Variants in CCSER1 observed in about 807,000 individuals in gnomAD.
CCSER1 encodes serine-rich coiled-coil domain-containing protein 1.
A neutral mutation model predicts 82.0 loss-of-function variants in CCSER1; 41 were observed. The ratio of observed to expected loss-of-function variants is 0.50; its 90% CI spans 0.39 to 0.65. The LOEUF is 0.65. CCSER1 is among the 30% of genes least tolerant of loss of function. The pLI is 0.00. For missense variants in CCSER1, 1,119 were observed against 1,064.2 expected (o/e 1.05, Z -0.72); for synonymous variants, 414 against 383.9 (o/e 1.08, Z -0.92).
chr4:91,548,827 T>C (rs1762017398), intron 10 of CCSER1, among the ~76,000 whole-genome samples: 1 of 152,120 alleles, frequency 6.6e-6, no homozygotes. Flanking sequence ...AAATATGTTA[T>C]GCCTAAGCGT....
chr4:90,199,298 AT>A (rs1314154290), intron 1 of CCSER1, among the ~76,000 whole-genome samples: 1 of 152,216 alleles, frequency 6.6e-6, no homozygotes, highest in Non-Finnish European at 1.5e-5. Flanking sequence ...GAATAGCAGA[AT>A]TGATCTACAG....
chr4:90,331,231 A>C (rs1739224274), intron 3 of CCSER1, among the ~76,000 whole-genome samples: 1 of 151,998 alleles, frequency 6.6e-6, no homozygotes, highest in Admixed American at 6.6e-5. Context: ...AGTGCATAAT[A>C]AAGTAACAGT....
intron 1 of CCSER1, among the ~76,000 whole-genome samples, chr4:90,211,546 C>G (rs1740001232): frequency 6.6e-6 from 1 of 152,154 alleles, no homozygotes; most frequent in Non-Finnish European, 1.5e-5. Flanking sequence ...AGACCAGACT[C>G]AAGAAGAGAA....
rs201909933 is a variant in CCSER1 at position 90,766,467 on chromosome 4, AAT to A, written c.2010+42480_2010+42481del. On this transcript the variant is annotated intron_variant, in intron 7 of 10. Transcript: ENST00000509176. The stretch of plus-strand genomic sequence containing the variant: ...TTTAATATATTATTTATATTTAGTG[AAT>A]ATACAAAGAATATGTCACAAATCAT... Among the ~76,000 whole-genome samples, 90 of 152,182 alleles carry A rather than the reference AAT, an allele frequency of 5.9e-4. 1 individual carries two copies. The East Asian group carries it at 0.016, about 28-fold the overall frequency.
At chr4:90,687,201 G>T (rs1436741105) in intron 6 of CCSER1, among the ~76,000 whole-genome samples, 1 of 152,080 alleles carries the variant, frequency 6.6e-6, no homozygotes, top group Non-Finnish European at 1.5e-5. Flanking sequence ...AGTCACTTAT[G>T]TAAAATTCTT....
At chr4:91,083,952 C>T (rs1265349683) in intron 9 of CCSER1, among the ~76,000 whole-genome samples, 2 of 152,076 alleles carry the variant, frequency 1.3e-5, no homozygotes, top group Non-Finnish European at 2.9e-5. Context: ...AGATGTAAGG[C>T]CAATGTTTTC....
chr4:90,326,070 T>TC (rs1738128949), intron 3 of CCSER1, among the ~76,000 whole-genome samples: 1 of 148,170 alleles, frequency 6.7e-6, no homozygotes, highest in Non-Finnish European at 1.5e-5. Flanking sequence ...TTTTTTTTTT[T>TC]TTTTTTGAGA....
chr4:90,339,704 C>T (rs1741047634), intron 3 of CCSER1, among the ~76,000 whole-genome samples: 1 of 152,038 alleles, frequency 6.6e-6, no homozygotes, highest in Admixed American at 6.6e-5. Flanking sequence ...CAAGTGTCAC[C>T]TTATCATTAT....
rs550098422 is a variant in CCSER1 at position 90,834,304 on chromosome 4, T to C, written c.2094+18459T>C. ...TGCTAAAAAAACTTTTTAAAAGTTA[T>C]TAGGATTCCACACATCATTCTCAAA... is the stretch of plus-strand genomic sequence containing the variant. On this transcript the variant is annotated intron_variant, in intron 8 of 10. Transcript: ENST00000509176. Among the ~76,000 whole-genome samples, 6 of 152,300 alleles carry C rather than the reference T, an allele frequency of 3.9e-5. No homozygotes were observed. In the South Asian group the frequency reaches 8.3e-4, roughly 21 times the overall value.
intron 5 of CCSER1, among the ~76,000 whole-genome samples, chr4:90,578,742 C>G (rs533210133): frequency 5.1e-4 from 78 of 152,116 alleles, no homozygotes; most frequent in Non-Finnish European, 9.1e-4. Context: ...TTTGGGGGGG[C>G]CATTGTTCTG....
chr4:91,083,210 A>G (rs1190509619), intron 9 of CCSER1, among the ~76,000 whole-genome samples: 2 of 152,194 alleles, frequency 1.3e-5, no homozygotes, highest in African/African-American at 2.4e-5. Context: ...GCACATATAT[A>G]CCATGGAATA....
chr4:90,592,197 A>G (rs533935733), intron 5 of CCSER1, among the ~76,000 whole-genome samples: 39 of 152,286 alleles, frequency 2.6e-4, no homozygotes, highest in Admixed American at 2.3e-3. Context: ...ATTTAAAGTA[A>G]GATAAAACTA....
intron 1 of CCSER1, among the ~76,000 whole-genome samples, chr4:90,267,574 C>T: frequency 6.6e-6 from 1 of 152,132 alleles, no homozygotes; most frequent in Admixed American, 6.5e-5. Context: ...CCAGCATAGT[C>T]CCAGTGGGGG....
At chr4:90,939,794 T>C (rs770265061) in intron 9 of CCSER1, among the ~76,000 whole-genome samples, 8 of 152,142 alleles carry the variant, frequency 5.3e-5, no homozygotes, top group Non-Finnish European at 7.4e-5. Flanking sequence ...ACTATAAATA[T>C]ATTTATTTAC....
chr4:91,128,681 G>T (rs569409304), intron 10 of CCSER1, among the ~76,000 whole-genome samples: 1 of 152,134 alleles, frequency 6.6e-6, no homozygotes, highest in Admixed American at 6.6e-5. Flanking sequence ...GGTTCACTCA[G>T]GTTACAATAC....
intron 10 of CCSER1, among the ~76,000 whole-genome samples, chr4:91,141,678 A>AT (rs1262133171): frequency 5.9e-5 from 9 of 151,966 alleles, no homozygotes; most frequent in African/African-American, 2.2e-4. Flanking sequence ...TGGTAGTTCT[A>AT]TTTTTAGTTC....
chr4:91,031,163 G>T (rs760712600), intron 9 of CCSER1, among the ~76,000 whole-genome samples: 5 of 152,068 alleles, frequency 3.3e-5, no homozygotes, highest in African/African-American at 1.2e-4. Context: ...AAAATAAGTC[G>T]GACTATTACA....
At chr4:90,251,969 A>G (rs1293944650) in intron 1 of CCSER1, among the ~76,000 whole-genome samples, 16 of 151,598 alleles carry the variant, frequency 1.1e-4, no homozygotes, top group Non-Finnish European at 1.9e-4. Context: ...TGTAATCTTT[A>G]TTATTTTCTT....
At chr4:91,329,261 C>T (rs888149467) in intron 10 of CCSER1, among the ~76,000 whole-genome samples, 5 of 152,120 alleles carry the variant, frequency 3.3e-5, no homozygotes, top group Admixed American at 3.3e-4. Flanking sequence ...TCCAGCAATG[C>T]TGCTAAGCAA....
Sources: allele counts gnomAD v4.1 joint callset (sites outside exome capture counted in the v4.1 genomes callset), GRCh38; gene constraint gnomAD v4.1.1; transcripts MANE v1.5; gene names NCBI Gene and HGNC (gene_info 2026-07-23, HGNC 2026-07-21).